The following CDON variants were observed in gnomAD, a reference collection of about 807,000 sequenced individuals.
CDON encodes the protein cell adhesion associated, oncogene regulated.
A neutral mutation model predicts 120.9 loss-of-function variants in CDON; 73 were observed. The ratio of observed to expected loss-of-function variants is 0.60; its 90% CI spans 0.50 to 0.73. The LOEUF is 0.73. CDON is among the 30% of genes least tolerant of loss of function. CDON has a pLI of 0.00. For synonymous variants in CDON, 566 were observed against 573.5 expected (o/e 0.99, Z 0.19); for missense variants, 1,470 against 1,587.3 (o/e 0.93, Z 1.26).
In CDON at chr11:126,018,430, A is replaced by G; in HGVS notation, c.540T>C (p.Asn180=). 1 of 1,613,624 alleles carries G rather than the reference A, an allele frequency of 6.2e-7. No individual in the cohort carries two copies. The highest frequency in any genetic ancestry group is 8.5e-7 in the Non-Finnish European group (1 of 1,179,506). Reference sequence around the variant, plus strand: ...ATGATCCCTTGTCCTCTAAGGATACATTCAAAATCTGAAGATTTCCTGATG... The same window carrying G: ...ATGATCCCTTGTCCTCTAAGGATACGTTCAAAATCTGAAGATTTCCTGATG... The part of the protein sequence containing the change: ...ILPSGNLQIL[N]VSLEDKGSYK... The change falls in exon 5 of 20, where the codon AAT becomes AAC. Residue 180 remains asparagine, a synonymous_variant. Coordinates refer to ENST00000531738, the MANE Select transcript of CDON (RefSeq NM_001378964.1).
intron 16 of CDON, 95 bp from the exon 17 acceptor site, chr11:125,981,424 ACACACG>A: frequency 1.0e-6 from 1 of 995,398 alleles, no homozygotes; most frequent in Non-Finnish European, 1.4e-6. Context: ...GCACATACGC[ACACACG>A]CACACACGCA....
intron 1 of CDON, among the ~76,000 whole-genome samples, chr11:126,059,407 G>GT (rs1483906636): frequency 6.6e-6 from 1 of 152,194 alleles, no homozygotes; most frequent in Admixed American, 6.5e-5. Flanking sequence ...AAGATAAGCT[G>GT]TTAAGTCATG....
At chr11:125,972,343 G>A (rs537738089) in intron 18 of CDON, among the ~76,000 whole-genome samples, 14 of 152,122 alleles carry the variant, frequency 9.2e-5, no homozygotes, top group African/African-American at 2.9e-4. Context: ...CATGAGAATC[G>A]CTTGAACCCA....
chr11:125,997,472 A>G, intron 11 of CDON, 62 bp from the exon 12 acceptor site: 1 of 1,232,582 alleles, frequency 8.1e-7, no homozygotes, highest in Non-Finnish European at 1.2e-6. Flanking sequence ...AACATAGTTA[A>G]ATTAAAGGGA....
At chr11:126,053,048 G>A (rs11220328) in intron 1 of CDON, among the ~76,000 whole-genome samples, 5,946 of 152,170 alleles carry the variant, frequency 0.039, 358 homozygotes, top group African/African-American at 0.13. Context: ...ATTGAGGGAC[G>A]ACTGTATTCA....
chr11:125,968,836 C>T (rs1261148640), intron 18 of CDON, among the ~76,000 whole-genome samples: 11 of 152,124 alleles, frequency 7.2e-5, no homozygotes, highest in Admixed American at 6.5e-4. Flanking sequence ...GTAAATGATT[C>T]AGTTAAATTA....
At chr11:125,971,835 T>TA (rs987974480) in intron 18 of CDON, among the ~76,000 whole-genome samples, 1 of 152,172 alleles carries the variant, frequency 6.6e-6, no homozygotes, top group Non-Finnish European at 1.5e-5. Flanking sequence ...AGGCTGATGC[T>TA]AAAAAAGACC....
intron 7 of CDON, among the ~76,000 whole-genome samples, chr11:126,013,576 ATTT>A (rs1394498539): frequency 6.6e-6 from 1 of 152,008 alleles, no homozygotes; most frequent in Non-Finnish European, 1.5e-5. Flanking sequence ...CTTTATTATA[ATTT>A]TTTGTCACAA....
Position 125,956,913 on chromosome 11 carries a change from T to C in CDON, c.*4029A>G, listed in dbSNP as rs1945502368. 1.1e-6 allele frequency: 1 copy of C among 943,818 alleles called. No homozygotes were observed. The highest frequency in any genetic ancestry group is 5.4e-4 in the Middle Eastern group (1 of 1,848). 58.5% of individuals were successfully genotyped at this position (943,818 alleles called of 1,614,324 possible). ...GGGGCTAGGGTTTAAGGAAGGCTTA[T>C]TTAAATATGGGAAATAAAATACAAA... On this transcript the variant is annotated 3_prime_UTR_variant, in exon 20 of 20. Transcript: ENST00000531738.
At chr11:126,022,386 G>C (rs1947668749) in intron 2 of CDON, among the ~76,000 whole-genome samples, 1 of 152,076 alleles carries the variant, frequency 6.6e-6, no homozygotes, top group African/African-American at 2.4e-5. Context: ...AAATACAAAG[G>C]CTATCCTTTC....
chr11:125,992,707 C>T (rs1304368122), intron 14 of CDON, among the ~76,000 whole-genome samples: 2 of 152,296 alleles, frequency 1.3e-5, no homozygotes, highest in South Asian at 2.1e-4. Context: ...AGTCATTCCA[C>T]TGGATAAATA....
Position 126,018,447 on chromosome 11 carries a change from T to G in CDON, c.523A>C (p.Asn175His). 6.2e-7 allele frequency: 1 copy of G among 1,613,916 alleles called. No individual in the cohort carries two copies. The highest frequency in any genetic ancestry group is 8.5e-7 in the Non-Finnish European group (1 of 1,179,810). Residue 175 changes from asparagine (N) to histidine (H), a missense_variant, in exon 5 of 20, where the codon AAT becomes CAT. Transcript: ENST00000531738. ...TENYLILPSGNLQILNVSLED... is the reference protein window; with the variant it reads ...TENYLILPSGHLQILNVSLED... ...AAGGATACATTCAAAATCTGAAGAT[T>G]TCCTGATGGAAGGATTAAGTAATTC...
At position 125,981,082 on chromosome 11, in the gene CDON, G is replaced by A. The variant is rs756812421; in HGVS notation, c.3243C>T (p.His1081=). ...GATGATGAGGATGTTCAAAATCCAC[G>A]TGTGTCCTGGTTAGAGAGTTGCTGT... ...SGHSNSLTRT[H]VDFEHPHHLV... Residue 1081 remains histidine (H), a synonymous_variant, in exon 17 of 20, where the codon CAC becomes CAT. Coordinates refer to ENST00000531738, the MANE Select transcript of CDON (RefSeq NM_001378964.1). 32 of 1,614,012 alleles carry A rather than the reference G, an allele frequency of 2.0e-5. No homozygotes were observed. Among genetic ancestry groups the A allele is most frequent in the Non-Finnish European group, 2.1e-5 (25 of 1,180,020 alleles).
At chr11:125,991,109 C>T (rs1335700280) in intron 14 of CDON, among the ~76,000 whole-genome samples, 1 of 152,006 alleles carries the variant, frequency 6.6e-6, no homozygotes, top group Non-Finnish European at 1.5e-5. Flanking sequence ...CCTTTCATAG[C>T]GTTCATAAAA....
intron 1 of CDON, among the ~76,000 whole-genome samples, chr11:126,045,278 A>G (rs1948377098): frequency 6.6e-6 from 1 of 152,182 alleles, no homozygotes; most frequent in Non-Finnish European, 1.5e-5. Flanking sequence ...CGGCTGCCTC[A>G]GCCTCCCAAA....
At chr11:125,973,475 G>A (rs1946062449) in intron 18 of CDON, among the ~76,000 whole-genome samples, 2 of 152,160 alleles carry the variant, frequency 1.3e-5, no homozygotes, top group Admixed American at 6.5e-5. Flanking sequence ...AGGTTGCAGT[G>A]AGCCAAGATC....
chr11:125,981,065 G>C lies in CDON; in HGVS notation c.3260C>G (p.Pro1087Arg). Residue 1087 changes from proline (P) to arginine (R), a missense_variant, in exon 17 of 20, where the codon CCT becomes CGT. Transcript: ENST00000531738. ...LTRTHVDFEH[P>R]HHLVNGGGMY... ...GTCTCTTACATTCACTAGATGATGA[G>C]GATGTTCAAAATCCACGTGTGTCCT... 6.2e-7 allele frequency: 1 copy of C among 1,614,112 alleles called. No individual in the cohort carries two copies. Among genetic ancestry groups the C allele is most frequent in the Non-Finnish European group, 8.5e-7 (1 of 1,180,006 alleles).
rs772022299 is a variant in CDON at position 125,994,315 on chromosome 11, A to T, written c.2619T>A (p.Asn873Lys). 1 of 1,601,538 alleles carries T rather than the reference A, an allele frequency of 6.2e-7. No individual in the cohort carries two copies. Among genetic ancestry groups the T allele is most frequent in the Non-Finnish European group, 8.6e-7 (1 of 1,168,710 alleles). The change falls in exon 14 of 20, where the codon AAT becomes AAA. Residue 873 changes from asparagine (N) to lysine (K), a missense_variant. Coordinates refer to ENST00000531738, the MANE Select transcript of CDON (RefSeq NM_001378964.1). ...YIYYRPTDSDNDSDYKRDVVE... is the reference protein window; with the variant it reads ...YIYYRPTDSDKDSDYKRDVVE... ...CAACATCCCTCTTGTAATCACTGTC[A>T]TTGTCACTATCTGTTGGTCGGTAAT...
upstream of CDON, among the ~76,000 whole-genome samples, chr11:126,063,070 C>G (rs1384878807): frequency 5.3e-5 from 8 of 151,826 alleles, no homozygotes; most frequent in African/African-American, 1.9e-4. Flanking sequence ...AGATCAGCGG[C>G]GGGGGCACGG....
Sources: gnomAD v4.1 joint callset for allele counts (sites outside exome capture counted in the v4.1 genomes callset) on GRCh38, gnomAD v4.1.1 for gene constraint, MANE v1.5 for transcripts, NCBI Gene and HGNC (gene_info 2026-07-23, HGNC 2026-07-21) for gene names.